Variants in BAZ2B observed in about 807,000 individuals in gnomAD.
The protein encoded by BAZ2B is bromodomain adjacent to zinc finger domain 2B, also known as bromodomain adjacent to zinc finger domain protein 2B.
A neutral mutation model predicts 246.0 loss-of-function variants in BAZ2B; 91 were observed. The observed-to-expected ratio is 0.37, with a 90% CI of 0.31 to 0.44. BAZ2B has a LOEUF of 0.44. BAZ2B is among the 20% of genes least tolerant of loss of function. The pLI, the probability that BAZ2B is intolerant of heterozygous loss-of-function variation, is 1.00. For synonymous variants in BAZ2B, 855 were observed against 860.0 expected (o/e 0.99, Z 0.10); for missense variants, 2,332 against 2,533.7 (o/e 0.92, Z 1.71).
At chr2:159,610,457 G>GTCTT (rs1694472243) in intron 1 of BAZ2B, among the ~76,000 whole-genome samples, 1 of 152,148 alleles carries the variant, frequency 6.6e-6, no homozygotes, top group Admixed American at 6.5e-5. Flanking sequence ...GGAGTGCACC[G>GTCTT]TCTTTGATTA....
chr2:159,358,320 C>T (rs1290366764), intron 27 of BAZ2B, among the ~76,000 whole-genome samples: 4 of 152,060 alleles, frequency 2.6e-5, no homozygotes, highest in Non-Finnish European at 5.9e-5. Flanking sequence ...ATCCTAGTCT[C>T]TGATAAAACA....
intron 34 of BAZ2B, among the ~76,000 whole-genome samples, chr2:159,330,073 A>G (rs1421290907): frequency 6.6e-6 from 1 of 152,240 alleles, no homozygotes; most frequent in East Asian, 1.9e-4. Flanking sequence ...CAATGAGAAT[A>G]ATCAAAATAA....
At chr2:159,553,563 C>T (rs1046942666) in intron 2 of BAZ2B, among the ~76,000 whole-genome samples, 2 of 151,868 alleles carry the variant, frequency 1.3e-5, no homozygotes, top group Admixed American at 1.3e-4. Flanking sequence ...CCGAGCAATG[C>T]TTTAATCAGA....
At chr2:159,352,801 C>T (rs1356141856) in intron 27 of BAZ2B, among the ~76,000 whole-genome samples, 1 of 152,096 alleles carries the variant, frequency 6.6e-6, no homozygotes, top group Non-Finnish European at 1.5e-5. Context: ...CTGTATCTTG[C>T]TATTATTGGA....
chr2:159,444,934 CAAG>C (rs2074010596), intron 6 of BAZ2B: 4 of 152,192 alleles, frequency 2.6e-5, no homozygotes, highest in African/African-American at 9.7e-5. Context: ...ACCTCTCACT[CAAG>C]AAGAAATTAA....
At chr2:159,347,944 T>C (rs1378960685) in intron 30 of BAZ2B, among the ~76,000 whole-genome samples, 2 of 152,216 alleles carry the variant, frequency 1.3e-5, no homozygotes, top group African/African-American at 4.8e-5. Context: ...CATTTCTCTC[T>C]TGATATCTGT....
At chr2:159,701,986 C>T in the BAZ2B span, among the ~76,000 whole-genome samples, 4 of 152,134 alleles carry the variant, frequency 2.6e-5, no homozygotes, top group African/African-American at 9.7e-5. Context: ...TCTCAGCCTC[C>T]CAAAGTGCTG....
intron 33 of BAZ2B, among the ~76,000 whole-genome samples, chr2:159,336,280 T>G (rs1421758840): frequency 6.6e-6 from 1 of 152,228 alleles, no homozygotes; most frequent in Non-Finnish European, 1.5e-5. Context: ...AAGTAAATAT[T>G]TCTCTGGAAA....
Position 159,479,840 on chromosome 2 carries a change from C to T in BAZ2B, c.-2-1119G>A, listed in dbSNP as rs375654701. Among the ~76,000 whole-genome samples the T allele has an allele frequency of 3.0e-4, 46 of 152,196 alleles. 1 individual carries two copies. Among genetic ancestry groups the T allele is most frequent in the African/African-American group, 1.1e-3 (45 of 41,542 alleles). On this transcript the variant is annotated intron_variant, in intron 2 of 36. Transcript: ENST00000392783. ...CATTAGAAAGACCATTTCAATGAGC[C>T]TTCTAATCATATAGAATTCAAAAAC...
At chr2:159,537,250 C>T (rs1006608866) in intron 2 of BAZ2B, among the ~76,000 whole-genome samples, 1 of 152,096 alleles carries the variant, frequency 6.6e-6, no homozygotes, top group Non-Finnish European at 1.5e-5. Context: ...TCACCAAGGG[C>T]CAGGGGAAAG....
At chr2:159,399,037 C>T in intron 17 of BAZ2B, 143 bp from the exon 18 acceptor site, 6 of 603,564 alleles carry the variant, frequency 9.9e-6, no homozygotes, top group Non-Finnish European at 1.6e-5. Context: ...GATTTCCCCC[C>T]AGTTAACATT....
At chr2:159,612,364 C>G (rs1239685484) in intron 1 of BAZ2B, among the ~76,000 whole-genome samples, 3 of 151,892 alleles carry the variant, frequency 2.0e-5, no homozygotes, top group Non-Finnish European at 2.9e-5. Flanking sequence ...CTTAAAATAC[C>G]TAACTAGGTA....
At chr2:159,556,879 T>A (rs2089205095) in intron 1 of BAZ2B, among the ~76,000 whole-genome samples, 3 of 152,212 alleles carry the variant, frequency 2.0e-5, no homozygotes, top group Non-Finnish European at 2.9e-5. Flanking sequence ...TGTATTATTT[T>A]ATCAGGTCCT....
intron 16 of BAZ2B, among the ~76,000 whole-genome samples, chr2:159,402,150 T>C (rs2065177273): frequency 6.6e-6 from 1 of 152,100 alleles, no homozygotes; most frequent in Non-Finnish European, 1.5e-5. Context: ...CTGTCAAAAA[T>C]AAAAACCCCA....
At position 159,509,480 on chromosome 2, in the gene BAZ2B, C is replaced by A. The variant is rs553986289; in HGVS notation, c.-2-30759G>T. ...CACATACATATGTTTTCACACATAA[C>A]ACATATGGCTTTTTTCCTCTCTTTT... On this transcript the variant is annotated intron_variant, in intron 2 of 36. Transcript: ENST00000392783. Among the ~76,000 whole-genome samples, 3 of 152,146 alleles carry A rather than the reference C, an allele frequency of 2.0e-5. No individual in the cohort carries two copies. In the East Asian group the frequency reaches 5.8e-4, roughly 29 times the overall value.
At chr2:159,363,307 C>G (rs2149310761) in intron 27 of BAZ2B, among the ~76,000 whole-genome samples, 1 of 152,230 alleles carries the variant, frequency 6.6e-6, no homozygotes, top group East Asian at 1.9e-4. Flanking sequence ...AGTGTAGTTA[C>G]TCTAACACAC....
chr2:159,679,081 G>A, the BAZ2B span, among the ~76,000 whole-genome samples: 1 of 151,984 alleles, frequency 6.6e-6, no homozygotes, highest in East Asian at 1.9e-4. Flanking sequence ...GACCATCCTG[G>A]CTAACACGGT....
intron 2 of BAZ2B, among the ~76,000 whole-genome samples, chr2:159,505,632 A>C (rs2082253529): frequency 6.6e-6 from 1 of 152,202 alleles, no homozygotes; most frequent in Admixed American, 6.5e-5. Context: ...AAGAAAGAAA[A>C]TATCTGCTAA....
chr2:159,461,223 C>G (rs1286952662), intron 3 of BAZ2B: 2 of 152,056 alleles, frequency 1.3e-5, no homozygotes, highest in African/African-American at 4.8e-5. Flanking sequence ...GGTCATAGAA[C>G]TGTAAGCAAT....
Sources: gnomAD v4.1 joint callset for allele counts (sites outside exome capture counted in the v4.1 genomes callset) on GRCh38, gnomAD v4.1.1 for gene constraint, MANE v1.5 for transcripts, NCBI Gene and HGNC (gene_info 2026-07-23, HGNC 2026-07-21) for gene names.